The following KCNB2 variants were observed in gnomAD, a reference collection of about 807,000 sequenced individuals.
KCNB2 encodes the protein potassium voltage-gated channel subfamily B member 2.
KCNB2 carries 15 observed loss-of-function variants against 61.5 expected under a neutral mutation model. That is an observed-to-expected ratio of 0.24 (90% confidence interval 0.16 to 0.38). KCNB2 has a LOEUF of 0.38. Ranked by LOEUF, KCNB2 falls within the 10% of genes least tolerant of loss-of-function variation. The pLI is 1.00. For synonymous variants in KCNB2, 457 were observed against 446.0 expected, an observed-to-expected ratio of 1.02 and a Z score of -0.31; for missense variants, 828 against 1,125.2, an observed-to-expected ratio of 0.74 and a Z score of 3.78.
chr8:72,842,374 G>T (rs549387226), intron 2 of KCNB2, among the ~76,000 whole-genome samples: 2 of 152,300 alleles, frequency 1.3e-5, no homozygotes, highest in African/African-American at 2.4e-5. Flanking sequence ...ATGTTCATCA[G>T]GGATATTGCC....
At chr8:72,905,212 G>T (rs184723456) in intron 2 of KCNB2, among the ~76,000 whole-genome samples, 2 of 152,082 alleles carry the variant, frequency 1.3e-5, no homozygotes, top group African/African-American at 4.8e-5. Flanking sequence ...AAAGCTCACC[G>T]CAGACTGAGT....
chr8:72,597,001 C>CTTTTTTTTTTTTTTTTTTT (rs869160203), intron 2 of KCNB2, among the ~76,000 whole-genome samples: 5 of 64,660 alleles, frequency 7.7e-5, no homozygotes, highest in African/African-American at 8.0e-5. Flanking sequence ...TGCTTGCTTG[C>CTTTTTTTTTTTTTTTTTTT]TTTTTTTTTT....
Position 72,937,052 on chromosome 8 carries a change from G to A in KCNB2, c.1697G>A (p.Arg566Lys), listed in dbSNP as rs1806920944. 3 of 1,614,056 alleles carry A rather than the reference G, an allele frequency of 1.9e-6. No individual in the cohort carries two copies. The highest frequency in any genetic ancestry group is 2.5e-6 in the Non-Finnish European group (3 of 1,180,014). The change falls in exon 3 of 3, where the codon AGG becomes AAG. Residue 566 changes from arginine to lysine, a missense_variant. Transcript: ENST00000523207. ...CCAGACTGCCAAGAAAAGCCTGAGA[G>A]GCCATCTGCATATGAAGAAGAGATT... The part of the protein sequence containing the change: ...PNPDCQEKPE[R>K]PSAYEEEIEM...
chr8:72,907,251 G>T (rs1806194808), intron 2 of KCNB2, among the ~76,000 whole-genome samples: 3 of 152,186 alleles, frequency 2.0e-5, no homozygotes, highest in Admixed American at 1.3e-4. Context: ...CAGCTACTCG[G>T]GAGTCTGAGG....
intron 2 of KCNB2, among the ~76,000 whole-genome samples, chr8:72,935,689 G>C (rs1241085568): frequency 6.6e-6 from 1 of 152,154 alleles, no homozygotes; most frequent in African/African-American, 2.4e-5. Flanking sequence ...CCAAATGTTG[G>C]ATGCCCATAC....
intron 2 of KCNB2, among the ~76,000 whole-genome samples, chr8:72,584,667 C>T (rs1442215929): frequency 1.3e-5 from 2 of 152,156 alleles, no homozygotes; most frequent in East Asian, 1.9e-4. Context: ...AGGAAAACCA[C>T]AGCAAATATC....
chr8:72,672,368 A>G (rs1236947497), intron 2 of KCNB2, among the ~76,000 whole-genome samples: 1 of 152,156 alleles, frequency 6.6e-6, no homozygotes, highest in Non-Finnish European at 1.5e-5. Context: ...CATTTCCACT[A>G]CAGTTGCAGC....
At chr8:72,644,688 T>C (rs1806103350) in intron 2 of KCNB2, among the ~76,000 whole-genome samples, 1 of 152,324 alleles carries the variant, frequency 6.6e-6, no homozygotes, top group East Asian at 1.9e-4. Context: ...TGGATGTCAA[T>C]TGTATTATCT....
chr8:72,547,787 A>C (rs1563519488), intron 1 of KCNB2, among the ~76,000 whole-genome samples: 1 of 152,346 alleles, frequency 6.6e-6, no homozygotes, highest in Middle Eastern at 3.4e-3. Context: ...TTGGAATATT[A>C]CACCAACTTA....
chr8:72,568,190 G>C lies in KCNB2; in HGVS notation c.456G>C (p.Leu152=). Residue 152 remains leucine, a synonymous_variant, in exon 2 of 3, where the codon CTG becomes CTC. Transcript: ENST00000523207. ...HQKKEQMNEE[L]RREAETMRER... ...AAAAAGAACAAATGAACGAAGAACTGAGGCGAGAGGCAGAGACTATGCGAG... is the reference window on the plus strand; with the variant it reads ...AAAAAGAACAAATGAACGAAGAACTCAGGCGAGAGGCAGAGACTATGCGAG... 1 of 1,614,160 alleles carries C rather than the reference G, an allele frequency of 6.2e-7. No individual in the cohort carries two copies. The highest frequency in any genetic ancestry group is 8.5e-7 in the Non-Finnish European group (1 of 1,180,024).
intron 2 of KCNB2, among the ~76,000 whole-genome samples, chr8:72,672,769 G>C (rs1359954636): frequency 6.6e-6 from 1 of 152,056 alleles, no homozygotes; most frequent in Non-Finnish European, 1.5e-5. Context: ...CTGACTCCTA[G>C]ATAAGTGAGG....
At chr8:72,848,447 T>A (rs1424455302) in intron 2 of KCNB2, among the ~76,000 whole-genome samples, 1 of 151,988 alleles carries the variant, frequency 6.6e-6, no homozygotes, top group Non-Finnish European at 1.5e-5. Flanking sequence ...AATAATAAAT[T>A]TATTATTTGT....
intron 2 of KCNB2, among the ~76,000 whole-genome samples, chr8:72,595,371 G>C (rs866025220): frequency 4.0e-5 from 6 of 149,782 alleles, no homozygotes; most frequent in African/African-American, 1.5e-4. Flanking sequence ...TGTCACCCAG[G>C]CTGAAGTGCA....
chr8:72,763,122 A>G (rs1300780842), intron 2 of KCNB2, among the ~76,000 whole-genome samples: 1 of 151,426 alleles, frequency 6.6e-6, no homozygotes, highest in African/African-American at 2.4e-5. Context: ...AAGCTGAGGA[A>G]CTGATATCAG....
intron 2 of KCNB2, among the ~76,000 whole-genome samples, chr8:72,807,771 G>A (rs977295715): frequency 2.0e-5 from 3 of 152,102 alleles, no homozygotes; most frequent in Admixed American, 6.6e-5. Context: ...TTTGGGTCAC[G>A]CATTTCTTCA....
chr8:72,776,309 G>C (rs1329629572), intron 2 of KCNB2, among the ~76,000 whole-genome samples: 1 of 151,746 alleles, frequency 6.6e-6, no homozygotes, highest in East Asian at 1.9e-4. Context: ...TAAATGATGA[G>C]TTAATGGGTG....
chr8:72,935,815 A>G (rs1220177463), intron 2 of KCNB2, 120 bp from the exon 3 acceptor site: 2 of 728,876 alleles, frequency 2.7e-6, no homozygotes, highest in African/African-American at 1.8e-5. Context: ...TTACCTTCTT[A>G]TAATCTTCTT....
At chr8:72,683,328 A>T (rs1806795093) in intron 2 of KCNB2, among the ~76,000 whole-genome samples, 1 of 152,226 alleles carries the variant, frequency 6.6e-6, no homozygotes, top group Non-Finnish European at 1.5e-5. Flanking sequence ...CTTATTCCAT[A>T]AATGTTTATT....
chr8:72,710,795 G>A (rs1011062991), intron 2 of KCNB2, among the ~76,000 whole-genome samples: 1 of 152,142 alleles, frequency 6.6e-6, no homozygotes, highest in Admixed American at 6.5e-5. Flanking sequence ...AGATACTTTA[G>A]AAAGAAATTT....
Sources: gnomAD v4.1 joint callset for allele counts (sites outside exome capture counted in the v4.1 genomes callset) on GRCh38, gnomAD v4.1.1 for gene constraint, MANE v1.5 for transcripts, NCBI Gene and HGNC (gene_info 2026-07-23, HGNC 2026-07-21) for gene names.